Variants in CCDC171 observed in about 807,000 individuals in gnomAD.
CCDC171 encodes the protein coiled-coil domain-containing protein 171.
In CCDC171, 177 loss-of-function variants were observed where a neutral mutation model predicts 168.2. The ratio of observed to expected loss-of-function variants is 1.05; its 90% CI spans 0.93 to 1.19. CCDC171 has a LOEUF of 1.19. Ranked by LOEUF, CCDC171 falls within the 50% of genes most tolerant of loss-of-function variation. The probability of loss-of-function intolerance (pLI) is 0.00; values close to 1 mark genes in which losing one functional copy is unlikely to be tolerated. For synonymous variants in CCDC171, 687 were observed against 540.8 expected (o/e 1.27, Z -3.75); for missense variants, 1,991 against 1,539.0 (o/e 1.29, Z -4.91).
chr9:15,805,891 A>C (rs1278067737), intron 21 of CCDC171, among the ~76,000 whole-genome samples: 1 of 152,116 alleles, frequency 6.6e-6, no homozygotes, highest in Non-Finnish European at 1.5e-5. Context: ...CTGGGAGACT[A>C]AGTCTCTTTG....
chr9:15,753,211 T>C (rs894283532), intron 18 of CCDC171, among the ~76,000 whole-genome samples: 5 of 152,078 alleles, frequency 3.3e-5, no homozygotes, highest in Non-Finnish European at 7.4e-5. Flanking sequence ...CATTGTGGGC[T>C]TATGAGTATA....
intron 23 of CCDC171, among the ~76,000 whole-genome samples, chr9:15,858,966 T>C (rs2061445423): frequency 6.6e-6 from 1 of 152,066 alleles, no homozygotes; most frequent in African/African-American, 2.4e-5. Flanking sequence ...TTGTTCATGA[T>C]TTTAGAGGAA....
intron 23 of CCDC171, among the ~76,000 whole-genome samples, chr9:15,861,163 A>G (rs982486572): frequency 1.3e-5 from 2 of 151,098 alleles, no homozygotes; most frequent in African/African-American, 2.4e-5. Context: ...CTTTCAGTCT[A>G]TGCACATCCT....
At chr9:15,579,454 T>C (rs1269564331) in intron 4 of CCDC171, among the ~76,000 whole-genome samples, 1 of 152,226 alleles carries the variant, frequency 6.6e-6, no homozygotes, top group Non-Finnish European at 1.5e-5. Context: ...TAGAAATCAC[T>C]GGGCTAGAGT....
At chr9:15,554,046 G>C (rs1222723915) in intron 1 of CCDC171, among the ~76,000 whole-genome samples, 1 of 148,056 alleles carries the variant, frequency 6.8e-6, no homozygotes, top group East Asian at 2.0e-4. Context: ...TTGAGATGGA[G>C]TCTTGCTCTG....
intron 6 of CCDC171, among the ~76,000 whole-genome samples, chr9:15,603,706 T>A (rs1396757206): frequency 6.6e-6 from 1 of 151,446 alleles, no homozygotes; most frequent in Non-Finnish European, 1.5e-5. Context: ...AGTGCTGCAA[T>A]GAGCATACAT....
intron 6 of CCDC171, among the ~76,000 whole-genome samples, chr9:15,615,356 G>A (rs964513860): frequency 2.0e-5 from 3 of 151,938 alleles, no homozygotes; most frequent in African/African-American, 2.4e-5. Context: ...ATCTTTTTCC[G>A]TGAAAACATG....
intron 4 of CCDC171, among the ~76,000 whole-genome samples, chr9:15,580,645 AT>A (rs201690767): frequency 0.013 from 1,950 of 152,276 alleles, 40 homozygotes; most frequent in African/African-American, 0.043. Flanking sequence ...AATATCACTA[AT>A]TATCAGGGAC....
intron 1 of CCDC171, among the ~76,000 whole-genome samples, chr9:15,563,011 C>A (rs913332911): frequency 6.6e-6 from 1 of 151,932 alleles, no homozygotes. Flanking sequence ...ATAACCCTCA[C>A]GTAAGATAAC....
At chr9:15,812,651 A>G (rs185459624) in intron 21 of CCDC171, among the ~76,000 whole-genome samples, 107 of 152,312 alleles carry the variant, frequency 7.0e-4, no homozygotes, top group Middle Eastern at 3.4e-3. Context: ...GCAAGCGACT[A>G]TGGAGAGCAG....
downstream of CCDC171, among the ~76,000 whole-genome samples, chr9:16,064,674 G>A (rs192517582): frequency 6.6e-6 from 1 of 152,256 alleles, no homozygotes; most frequent in East Asian, 1.9e-4. Flanking sequence ...TTCCTGGGGC[G>A]CTACCTGATC....
At chr9:15,986,030 C>A (rs2987020) in intron 3 of CCDC171, among the ~76,000 whole-genome samples, 1 of 151,976 alleles carries the variant, frequency 6.6e-6, no homozygotes, top group East Asian at 1.9e-4. Flanking sequence ...AACAAGAAGG[C>A]ATAACTTCGT....
chr9:15,779,382 T>A (rs1253212309), intron 20 of CCDC171, among the ~76,000 whole-genome samples: 2 of 151,950 alleles, frequency 1.3e-5, no homozygotes, highest in Non-Finnish European at 2.9e-5. Context: ...TTTTTTGAGA[T>A]GGAGTCTCAC....
chr9:15,658,299 T>G (rs924584085), intron 8 of CCDC171, among the ~76,000 whole-genome samples: 1 of 152,194 alleles, frequency 6.6e-6, no homozygotes, highest in African/African-American at 2.4e-5. Flanking sequence ...CTGCAGCTTT[T>G]GGGACAGACA....
At chr9:15,807,771 A>G (rs985032275) in intron 21 of CCDC171, among the ~76,000 whole-genome samples, 5 of 151,666 alleles carry the variant, frequency 3.3e-5, no homozygotes, top group African/African-American at 4.9e-5. Context: ...AGAACTCTGT[A>G]CTATACCTTT....
At chr9:15,736,811 G>C (rs2054528716) in intron 16 of CCDC171, among the ~76,000 whole-genome samples, 1 of 152,044 alleles carries the variant, frequency 6.6e-6, no homozygotes, top group Non-Finnish European at 1.5e-5. Flanking sequence ...GAGTAGCTGA[G>C]ACTATAGGCA....
At chr9:15,934,315 A>G (rs1229140768) in intron 25 of CCDC171, among the ~76,000 whole-genome samples, 1 of 149,592 alleles carries the variant, frequency 6.7e-6, no homozygotes, top group African/African-American at 2.5e-5. Context: ...GCTTGAGCCC[A>G]GGAATTGAAG....
At chr9:15,700,743 C>T (rs2051666451) in intron 11 of CCDC171, among the ~76,000 whole-genome samples, 1 of 152,096 alleles carries the variant, frequency 6.6e-6, no homozygotes. Context: ...ACTTCATCCT[C>T]CTGAGTAGCT....
chr9:15,691,066 CA>C (rs2050742263), intron 10 of CCDC171, among the ~76,000 whole-genome samples: 1 of 152,076 alleles, frequency 6.6e-6, no homozygotes, highest in Admixed American at 6.5e-5. Context: ...CCTTTTGCCT[CA>C]TTAAATCTAT....
Sources: gnomAD v4.1 joint callset for allele counts (sites outside exome capture counted in the v4.1 genomes callset) on GRCh38, gnomAD v4.1.1 for gene constraint, MANE v1.5 for transcripts, NCBI Gene and HGNC (gene_info 2026-07-23, HGNC 2026-07-21) for gene names.